The following MED12L variants were observed in gnomAD, a reference collection of about 807,000 sequenced individuals.
The protein encoded by MED12L is mediator of RNA polymerase II transcription subunit 12-like protein.
Under a neutral mutation model 281.3 loss-of-function variants are expected in MED12L, and 60 were observed. That is an observed-to-expected ratio of 0.21 (90% CI 0.17 to 0.26). The LOEUF (loss-of-function observed/expected upper bound fraction) is 0.26. MED12L is among the 10% of genes least tolerant of loss of function. The pLI, the probability that MED12L is intolerant of heterozygous loss-of-function variation, is 1.00. For synonymous variants in MED12L, 974 were observed against 987.2 expected (o/e 0.99, Z 0.25); for missense variants, 2,146 against 2,680.9 (o/e 0.80, Z 4.41).
chr3:151,086,939 G>A lies in MED12L; in HGVS notation c.13G>A (p.Gly5Arg). Residue 5 changes from glycine to arginine, a missense_variant, in exon 2 of 45, where the codon GGG becomes AGG. Transcript: ENST00000687756. The part of the protein sequence containing the change: MAAF[G>R]LLSYEQRPLK... ...AACATGAGAGATCATGGCCGCCTTC[G>A]GGCTTCTCAGCTATGAGCAGAGACC... 6.2e-7 allele frequency: 1 copy of A among 1,601,100 alleles called. No homozygotes were observed. Among genetic ancestry groups the A allele is most frequent in the South Asian group, 1.1e-5 (1 of 89,156 alleles).
intron 3 of MED12L, 24 bp from the exon 4 acceptor site, chr3:151,122,759 C>T: frequency 2.3e-5 from 36 of 1,541,662 alleles, no homozygotes; most frequent in Non-Finnish European, 3.2e-5. Flanking sequence ...CTTAACTTTC[C>T]CTTTTTTTCT....
At chr3:151,277,073 T>C (rs996762155) in intron 16 of MED12L, among the ~76,000 whole-genome samples, 6 of 152,008 alleles carry the variant, frequency 3.9e-5, no homozygotes, top group African/African-American at 9.7e-5. Context: ...AATTTTTGTA[T>C]TTTTAGTGGA....
At chr3:151,422,789 A>T (rs1718402500) in intron 43 of MED12L, among the ~76,000 whole-genome samples, 1 of 144,808 alleles carries the variant, frequency 6.9e-6, no homozygotes, top group Admixed American at 6.9e-5. Flanking sequence ...AATGTGGCAG[A>T]TGTTGAAGGC....
chr3:151,204,417 A>G (rs993465906), intron 16 of MED12L, among the ~76,000 whole-genome samples: 1 of 152,214 alleles, frequency 6.6e-6, no homozygotes, highest in Non-Finnish European at 1.5e-5. Flanking sequence ...CGTCTCAGGT[A>G]TTCTGACATT....
rs747652029 is a variant in MED12L at position 151,086,883 on chromosome 3, C to G, written c.-44C>G. ...TCCCTGGTGCTCAGAGGCGGCTGCT[C>G]CAGCTCCAACTCTCATTCATTTCGC... On this transcript the variant is annotated 5_prime_UTR_variant, in exon 2 of 45. Coordinates refer to ENST00000687756, the MANE Select transcript of MED12L (RefSeq NM_001393769.1). 10 of 1,496,602 alleles carry G rather than the reference C, an allele frequency of 6.7e-6. No homozygotes were observed. The highest frequency in any genetic ancestry group is 6.1e-5 in the Admixed American group (3 of 49,148). The allele number at this position is 1,496,602 out of a possible 1,614,324, so 92.7% of individuals were successfully genotyped here. A position where few individuals can be genotyped will look rare whatever the true frequency, so the allele number is the denominator to read the frequency against.
chr3:151,218,798 C>T lies in MED12L; in HGVS notation c.2250+25132C>T, dbSNP rs1269170088. Among the ~76,000 whole-genome samples, 12 of 123,998 alleles carry T rather than the reference C, an allele frequency of 9.7e-5. No homozygotes were observed. The East Asian group carries it at 1.3e-3, about 14-fold the overall frequency. The allele number at this position is 123,998 out of a possible 152,430, so 81.3% of individuals were successfully genotyped here. A position where few individuals can be genotyped will look rare whatever the true frequency, so the allele number is the denominator to read the frequency against. On this transcript the variant is annotated intron_variant, in intron 16 of 44. Transcript: ENST00000687756. ...AGGAGAATTGCTTGAACCTGGGAGGCGGAGGTTGCAGTGAGCCGAGATCCC... is the reference window on the plus strand; with the variant it reads ...AGGAGAATTGCTTGAACCTGGGAGGTGGAGGTTGCAGTGAGCCGAGATCCC...
At chr3:151,398,180 A>G (rs1028458011) in intron 39 of MED12L, among the ~76,000 whole-genome samples, 1 of 152,176 alleles carries the variant, frequency 6.6e-6, no homozygotes, top group Admixed American at 6.5e-5. Flanking sequence ...TTTTATCCAC[A>G]CACCCTTCTC....
At chr3:151,275,697 C>T (rs1741735091) in intron 16 of MED12L, among the ~76,000 whole-genome samples, 1 of 151,934 alleles carries the variant, frequency 6.6e-6, no homozygotes, top group African/African-American at 2.4e-5. Context: ...AAGAAAATTC[C>T]CTGTAAAGAA....
In MED12L at chr3:151,213,883, A is replaced by G. The variant is rs762183032; in HGVS notation, c.2250+20217A>G. ...AGCAAGGAGGAGCATGAGCATCCATACTATCACTGACAGAAGTTTGCTGTA... is the reference window on the plus strand; with the variant it reads ...AGCAAGGAGGAGCATGAGCATCCATGCTATCACTGACAGAAGTTTGCTGTA... On this transcript the variant is annotated intron_variant, in intron 16 of 44. Coordinates refer to ENST00000687756, the MANE Select transcript of MED12L (RefSeq NM_001393769.1). 3 of 1,613,614 alleles carry G rather than the reference A, an allele frequency of 1.9e-6. No individual in the cohort carries two copies. Among genetic ancestry groups the G allele is most frequent in the Non-Finnish European group, 2.5e-6 (3 of 1,179,496 alleles).
At chr3:151,374,480 G>A (rs1230713750) in intron 27 of MED12L, among the ~76,000 whole-genome samples, 5 of 152,140 alleles carry the variant, frequency 3.3e-5, no homozygotes, top group Admixed American at 6.5e-5. Context: ...ACTGGGAGGC[G>A]GAGGTTGCAG....
intron 16 of MED12L, among the ~76,000 whole-genome samples, chr3:151,261,727 T>G (rs1577161882): frequency 1.7e-5 from 2 of 118,132 alleles, no homozygotes; most frequent in South Asian, 2.5e-4. Context: ...GTTTTGTTTT[T>G]GTTGTGTTGT....
intron 34 of MED12L, 72 bp downstream of exon 34, chr3:151,383,960 A>G (rs1712872860): frequency 6.7e-7 from 1 of 1,485,164 alleles, no homozygotes; most frequent in East Asian, 2.3e-5. Flanking sequence ...ACTGATGGCG[A>G]TTTCTGCCAC....
At chr3:151,172,059 A>G (rs1240787741) in intron 11 of MED12L, among the ~76,000 whole-genome samples, 1 of 152,200 alleles carries the variant, frequency 6.6e-6, no homozygotes, top group Non-Finnish European at 1.5e-5. Flanking sequence ...AGAGATGAAT[A>G]CAGTCATGGA....
chr3:151,169,456 C>T (rs1721153899), intron 11 of MED12L, among the ~76,000 whole-genome samples: 1 of 152,062 alleles, frequency 6.6e-6, no homozygotes, highest in African/African-American at 2.4e-5. Flanking sequence ...TTGCGTATTT[C>T]TGGAATTCAT....
intron 16 of MED12L, among the ~76,000 whole-genome samples, chr3:151,298,828 A>T (rs955006546): frequency 6.6e-6 from 1 of 152,188 alleles, no homozygotes; most frequent in African/African-American, 2.4e-5. Flanking sequence ...AACATAATTT[A>T]AAAAATTAAT....
At chr3:151,158,581 A>G in intron 6 of MED12L, 108 bp from the exon 7 acceptor site, 4 of 653,132 alleles carry the variant, frequency 6.1e-6, no homozygotes, top group Non-Finnish European at 1.1e-5. Context: ...ACTATGTTTA[A>G]CAACAACAAA....
chr3:151,198,899 A>G (rs767760771), intron 16 of MED12L: 2 of 1,614,106 alleles, frequency 1.2e-6, no homozygotes, highest in Non-Finnish European at 1.7e-6. Context: ...CATACAACCC[A>G]CATTTGACTT....
At chr3:151,107,183 G>A (rs919908019) in intron 2 of MED12L, among the ~76,000 whole-genome samples, 16 of 149,894 alleles carry the variant, frequency 1.1e-4, no homozygotes, top group African/African-American at 3.2e-4. Context: ...GTTGTTTTTC[G>A]GAGTTGTTGC....
chr3:151,198,286 G>A, intron 16 of MED12L: 1 of 602,378 alleles, frequency 1.7e-6, no homozygotes, highest in Non-Finnish European at 2.7e-6. Context: ...GGATTTCTAA[G>A]TAAACCTGTC....
Sources: allele counts gnomAD v4.1 joint callset (sites outside exome capture counted in the v4.1 genomes callset), GRCh38; gene constraint gnomAD v4.1.1; transcripts MANE v1.5; gene names NCBI Gene and HGNC (gene_info 2026-07-23, HGNC 2026-07-21).